TNFRSF21: variants seen among roughly 807,000 people sequenced by gnomAD.
The protein encoded by TNFRSF21 is TNF receptor superfamily member 21.
Under a neutral mutation model 45.6 loss-of-function variants are expected in TNFRSF21, and 19 were observed. That is an observed-to-expected ratio of 0.42 (90% CI 0.29 to 0.61). The LOEUF (loss-of-function observed/expected upper bound fraction) is 0.61, where lower values mean the gene tolerates loss of function less well. Among genes scored for constraint, TNFRSF21 ranks in the 20% least tolerant of loss-of-function variants. The pLI, the probability that TNFRSF21 is intolerant of heterozygous loss-of-function variation, is 0.23. For synonymous variants in TNFRSF21, 314 were observed against 335.5 expected, an observed-to-expected ratio of 0.94 and a Z score of 0.70; for missense variants, 737 against 851.5, an observed-to-expected ratio of 0.87 and a Z score of 1.67.
rs769082373 is a variant in TNFRSF21, at chr6:47,285,993, A to G, written c.699T>C (p.Pro233=). The G allele has an allele frequency of 4.3e-6, 7 of 1,614,200 alleles. No homozygotes were observed. Among genetic ancestry groups the G allele is most frequent in the South Asian group, 1.1e-5 (1 of 91,086 alleles). Residue 233 remains proline, a synonymous_variant, in exon 2 of 6, where the codon CCT becomes CCC. Coordinates refer to ENST00000296861, the MANE Select transcript of TNFRSF21 (RefSeq NM_014452.5). ...PSPGTAIFPR[P]EHMETHEVPS... is the part of the protein sequence containing the mutation. The stretch of plus-strand genomic sequence containing the variant: ...GGACTTCATGGGTTTCCATGTGCTC[A>G]GGGCGTGGAAAGATGGCTGTGCCAG...
chr6:47,272,071 A>G (rs1427226252), intron 3 of TNFRSF21, among the ~76,000 whole-genome samples: 3 of 152,146 alleles, frequency 2.0e-5, no homozygotes, highest in Non-Finnish European at 4.4e-5. Context: ...ATAATGGGAG[A>G]CTTTAACACC....
chr6:47,307,102 T>A (rs1291540879), intron 1 of TNFRSF21, among the ~76,000 whole-genome samples: 1 of 152,126 alleles, frequency 6.6e-6, no homozygotes, highest in African/African-American at 2.4e-5. Context: ...CCACCCTGGA[T>A]GGGGATTATA....
chr6:47,285,694 C>A (rs1762635636), intron 2 of TNFRSF21, among the ~76,000 whole-genome samples: 1 of 152,092 alleles, frequency 6.6e-6, no homozygotes, highest in Non-Finnish European at 1.5e-5. Context: ...TCTCTTGGTT[C>A]ATATTTTATA....
intron 3 of TNFRSF21, among the ~76,000 whole-genome samples, chr6:47,261,106 T>TC: frequency 6.6e-6 from 1 of 151,820 alleles, no homozygotes; most frequent in East Asian, 1.9e-4. Context: ...CCCCCAAACC[T>TC]CCCTAAAAGA....
intron 3 of TNFRSF21, among the ~76,000 whole-genome samples, chr6:47,274,796 A>C (rs1281253031): frequency 6.6e-6 from 1 of 152,154 alleles, no homozygotes; most frequent in Non-Finnish European, 1.5e-5. Flanking sequence ...TTACAAGAAA[A>C]AAACAAACAA....
chr6:47,254,060 TAAAG>T (rs1764945510), intron 3 of TNFRSF21, among the ~76,000 whole-genome samples: 1 of 152,266 alleles, frequency 6.6e-6, no homozygotes, highest in African/African-American at 2.4e-5. Flanking sequence ...TGTTTTCACT[TAAAG>T]GAAGCACTTT....
At chr6:47,252,268 T>A (rs1012990292) in intron 4 of TNFRSF21, among the ~76,000 whole-genome samples, 1 of 152,192 alleles carries the variant, frequency 6.6e-6, no homozygotes, top group African/African-American at 2.4e-5. Context: ...AGGTAACAAA[T>A]TTGGACCACT....
chr6:47,305,521 G>C (rs1402856214), intron 1 of TNFRSF21, among the ~76,000 whole-genome samples: 1 of 152,066 alleles, frequency 6.6e-6, no homozygotes, highest in Non-Finnish European at 1.5e-5. Context: ...ACCAAGTCTT[G>C]ACATGATTCA....
intron 3 of TNFRSF21, among the ~76,000 whole-genome samples, chr6:47,264,229 T>A (rs1762293231): frequency 6.6e-6 from 1 of 152,176 alleles, no homozygotes; most frequent in Admixed American, 6.5e-5. Flanking sequence ...ATATACATTT[T>A]AAAAATAAAT....
chr6:47,304,133 C>T (rs986459038), intron 1 of TNFRSF21, among the ~76,000 whole-genome samples: 5 of 152,116 alleles, frequency 3.3e-5, no homozygotes, highest in Non-Finnish European at 7.4e-5. Context: ...GGTGACCTGG[C>T]ATCACCGGAA....
chr6:47,305,688 C>G (rs1192067637), intron 1 of TNFRSF21, among the ~76,000 whole-genome samples: 1 of 152,218 alleles, frequency 6.6e-6, no homozygotes, highest in Non-Finnish European at 1.5e-5. Context: ...TTACTTGGCA[C>G]TTTCTAGGCA....
At chr6:47,306,010 T>A (rs11963210) in intron 1 of TNFRSF21, among the ~76,000 whole-genome samples, 3,410 of 152,246 alleles carry the variant, frequency 0.022, 59 homozygotes, top group Middle Eastern at 0.034. Flanking sequence ...AGGGTAAGTG[T>A]CTCAGGCAGA....
At chr6:47,255,350 G>C (rs1162584162) in intron 3 of TNFRSF21, among the ~76,000 whole-genome samples, 1 of 152,154 alleles carries the variant, frequency 6.6e-6, no homozygotes, top group Non-Finnish European at 1.5e-5. Flanking sequence ...ATTACACATT[G>C]GCTTTGCCAG....
At chr6:47,299,331 C>G (rs61302729) in intron 1 of TNFRSF21, among the ~76,000 whole-genome samples, 5,018 of 151,972 alleles carry the variant, frequency 0.033, 266 homozygotes, top group African/African-American at 0.11. Flanking sequence ...CCCGCCTCTA[C>G]TAAAAATACA....
Position 47,232,676 on chromosome 6 carries a change from C to G in TNFRSF21, c.*89G>C. 1 of 1,217,522 alleles carries G rather than the reference C, an allele frequency of 8.2e-7. No individual in the cohort carries two copies. The highest frequency in any genetic ancestry group is 1.2e-6 in the Non-Finnish European group (1 of 847,606). 75.4% of individuals were successfully genotyped at this position (1,217,522 alleles called of 1,614,324 possible). A position where few individuals can be genotyped will look rare whatever the true frequency, so the allele number is the denominator to read the frequency against. On this transcript the variant is annotated 3_prime_UTR_variant, in exon 6 of 6. Transcript: ENST00000296861. ...ACACACACAAACACACACACACACC[C>G]CAAACAACAAAAATCAGAAACAGAA...
At chr6:47,245,000 C>T (rs1320673278) in intron 4 of TNFRSF21, among the ~76,000 whole-genome samples, 2 of 152,188 alleles carry the variant, frequency 1.3e-5, no homozygotes, top group African/African-American at 2.4e-5. Flanking sequence ...TGAAAATGTG[C>T]TCTCCTGCAC....
chr6:47,277,190 G>A (rs988934379), intron 3 of TNFRSF21, among the ~76,000 whole-genome samples: 4 of 152,104 alleles, frequency 2.6e-5, no homozygotes, highest in East Asian at 1.9e-4. Flanking sequence ...ACAGAGTTTC[G>A]CCAAGTTGGC....
intron 3 of TNFRSF21, among the ~76,000 whole-genome samples, chr6:47,271,898 A>C: frequency 6.6e-6 from 1 of 152,208 alleles, no homozygotes; most frequent in East Asian, 1.9e-4. Context: ...TTAAACCAAC[A>C]AAGATCAAAA....
chr6:47,298,733 A>G (rs1054560328), intron 1 of TNFRSF21, among the ~76,000 whole-genome samples: 3 of 152,234 alleles, frequency 2.0e-5, no homozygotes, highest in African/African-American at 7.2e-5. Flanking sequence ...CAGAAACCAC[A>G]TGACCCATAA....
Sources: gnomAD v4.1 joint callset for allele counts (sites outside exome capture counted in the v4.1 genomes callset) on GRCh38, gnomAD v4.1.1 for gene constraint, MANE v1.5 for transcripts, NCBI Gene and HGNC (gene_info 2026-07-23, HGNC 2026-07-21) for gene names.